Variants in GTF3C2 observed in about 807,000 individuals in gnomAD.
GTF3C2 encodes general transcription factor IIIC subunit 2.
GTF3C2 carries 17 observed loss-of-function variants against 117.4 expected under a neutral mutation model. The ratio of observed to expected loss-of-function variants is 0.14; its 90% CI spans 0.10 to 0.22. GTF3C2 has a LOEUF of 0.22. Among genes scored for constraint, GTF3C2 ranks in the 10% least tolerant of loss-of-function variants. The probability of loss-of-function intolerance (pLI) is 1.00; values close to 1 mark genes in which losing one functional copy is unlikely to be tolerated. For missense variants in GTF3C2, 888 were observed against 1,143.6 expected, an observed-to-expected ratio of 0.78 and a Z score of 3.22; for synonymous variants, 437 against 427.0, an observed-to-expected ratio of 1.02 and a Z score of -0.29.
chr2:27,333,761 C>G (rs1352591985), exon 12 of GTF3C2: 1 of 1,606,002 alleles, frequency 6.2e-7, no homozygotes, highest in South Asian at 1.1e-5. Flanking sequence ...TAGACCCCAC[C>G]TGCAGAGTTG....
chr2:27,352,265 G>A (rs1218114946), intron 1 of GTF3C2, among the ~76,000 whole-genome samples: 2 of 152,074 alleles, frequency 1.3e-5, no homozygotes, highest in Non-Finnish European at 2.9e-5. Context: ...GCTGAGCACT[G>A]GCAATCCCAC....
intron 1 of GTF3C2, among the ~76,000 whole-genome samples, chr2:27,354,823 G>A (rs1360432776): frequency 6.6e-6 from 1 of 152,098 alleles, no homozygotes. Context: ...ATTGCTGCAT[G>A]GCATTCCATA....
At chr2:27,334,836 C>T (rs941475312) in intron 10 of GTF3C2, among the ~76,000 whole-genome samples, 2 of 152,034 alleles carry the variant, frequency 1.3e-5, no homozygotes, top group Admixed American at 1.3e-4. Context: ...GTCGAGACGA[C>T]ATCTCATTAT....
chr2:27,355,056 T>G (rs1051117292), intron 1 of GTF3C2, among the ~76,000 whole-genome samples: 2 of 152,238 alleles, frequency 1.3e-5, no homozygotes, highest in Non-Finnish European at 1.5e-5. Flanking sequence ...TAAAACTATT[T>G]ATGTATATTA....
intron 12 of GTF3C2, among the ~76,000 whole-genome samples, chr2:27,332,869 T>C (rs755176591): frequency 6.5e-4 from 99 of 151,782 alleles, no homozygotes; most frequent in Non-Finnish European, 1.2e-3. Flanking sequence ...GTGCAATCTA[T>C]GACACCCAGC....
At position 27,333,530 on chromosome 2, in the gene GTF3C2, T is replaced by A. The variant is rs541259352; in HGVS notation, c.1732+125A>T. 1.3e-5 allele frequency: 8 copies of A among 628,472 alleles called. No homozygotes were observed. In the South Asian group the frequency reaches 1.3e-4, roughly 10 times the overall value. The allele number at this position is 628,472 out of a possible 1,614,324, so 38.9% of individuals were successfully genotyped here. A position where few individuals can be genotyped will look rare whatever the true frequency, so the allele number is the denominator to read the frequency against. On this transcript the variant is annotated intron_variant, in intron 12 of 18. Coordinates refer to ENST00000264720, the Ensembl canonical transcript of GTF3C2. ...TTATTTCTTTCTATTTTTTTTTTTT[T>A]ACATTGCTTGAATATTTCTAACTAT...
At chr2:27,356,746 A>G (rs1040460305) in exon 1 of GTF3C2, 5 of 152,844 alleles carry the variant, frequency 3.3e-5, no homozygotes, top group African/African-American at 1.2e-4. Flanking sequence ...CACCCTCGCC[A>G]AAGTCCTTCC....
At chr2:27,332,907 G>T (rs913433032) in intron 12 of GTF3C2, among the ~76,000 whole-genome samples, 2 of 151,284 alleles carry the variant, frequency 1.3e-5, no homozygotes, top group Non-Finnish European at 2.9e-5. Flanking sequence ...GTAGAGACAG[G>T]CTTTCACCAT....
At chr2:27,340,005 A>G (rs1680664385) in intron 4 of GTF3C2, 1 of 150,628 alleles carries the variant, frequency 6.6e-6, no homozygotes, top group Admixed American at 6.6e-5. Context: ...AAAAAAAAAA[A>G]AAGGGAAAAA....
rs751862335 is a variant in GTF3C2 at position 27,343,303 on chromosome 2, C to T, written c.247+5G>A. The T allele has an allele frequency of 6.2e-6, 10 of 1,613,568 alleles. No homozygotes were observed. Among genetic ancestry groups the T allele is most frequent in the Non-Finnish European group, 8.5e-6 (10 of 1,179,656 alleles). On this transcript the variant is annotated splice_donor_5th_base_variant and intron_variant, in intron 2 of 18. Transcript: ENST00000264720. Reference sequence around the variant, plus strand: ...AATAAAAAGATAAGAGGACAAGGTACATACCTGGCTGTTCCAGTCTGGAGA... The same window carrying T: ...AATAAAAAGATAAGAGGACAAGGTATATACCTGGCTGTTCCAGTCTGGAGA...
chr2:27,336,281 A>G, exon 8 of GTF3C2: 2 of 1,614,024 alleles, frequency 1.2e-6, no homozygotes, highest in Non-Finnish European at 1.7e-6. Flanking sequence ...GGTGTGTCTC[A>G]TTCATGTCAG....
intron 1 of GTF3C2, among the ~76,000 whole-genome samples, chr2:27,346,540 C>T (rs1487103298): frequency 6.6e-6 from 1 of 150,522 alleles, no homozygotes; most frequent in Non-Finnish European, 1.5e-5. Context: ...TTTGTAGAGA[C>T]TAAGTTTCAC....
chr2:27,345,435 A>C (rs1234268582), intron 1 of GTF3C2, among the ~76,000 whole-genome samples: 1 of 151,934 alleles, frequency 6.6e-6, no homozygotes, highest in African/African-American at 2.4e-5. Flanking sequence ...TCCACTAAAA[A>C]TACAAAAATT....
At chr2:27,341,831 TAACC>T in intron 4 of GTF3C2, 113 bp downstream of exon 4, 7 of 857,658 alleles carry the variant, frequency 8.2e-6, no homozygotes, top group African/African-American at 3.4e-5. Context: ...CTTTTTTCTT[TAACC>T]TGTTTTGTCT....
At chr2:27,335,740 C>T in intron 9 of GTF3C2, 34 bp from the exon 10 acceptor site, 1 of 1,383,136 alleles carries the variant, frequency 7.2e-7, no homozygotes, top group South Asian at 1.2e-5. Context: ...GGCTTGCTGC[C>T]TTCAGCTGAC....
At chr2:27,353,817 G>A (rs1160437663) in intron 1 of GTF3C2, among the ~76,000 whole-genome samples, 1 of 152,032 alleles carries the variant, frequency 6.6e-6, no homozygotes, top group Non-Finnish European at 1.5e-5. Flanking sequence ...GACCTCCTGG[G>A]CCCAAGTGCT....
chr2:27,327,011 G>A (rs71441066), intron 18 of GTF3C2, 118 bp from the exon 19 acceptor site: 26 of 709,878 alleles, frequency 3.7e-5, no homozygotes, highest in Non-Finnish European at 5.0e-5. Flanking sequence ...GGACCATGAG[G>A]GGTGACAGAG....
chr2:27,328,318 G>T, intron 16 of GTF3C2, 129 bp from the exon 17 acceptor site: 1 of 1,019,990 alleles, frequency 9.8e-7, no homozygotes, highest in Non-Finnish European at 1.5e-6. Context: ...CTCAGATGCA[G>T]TACGGTAGGG....
At chr2:27,356,095 T>A (rs982018699) in intron 1 of GTF3C2, 1 of 1,289,074 alleles carries the variant, frequency 7.8e-7, no homozygotes, top group Non-Finnish European at 1.0e-6. Flanking sequence ...ACCCTATACA[T>A]CCCTCCAACA....
Sources: gnomAD v4.1 joint callset for allele counts (sites outside exome capture counted in the v4.1 genomes callset) on GRCh38, gnomAD v4.1.1 for gene constraint, MANE v1.5 for transcripts, NCBI Gene and HGNC (gene_info 2026-07-23, HGNC 2026-07-21) for gene names.